The following LUZP2 variants were observed in gnomAD, a reference collection of about 807,000 sequenced individuals.
The protein encoded by LUZP2 is leucine zipper protein 2.
In LUZP2, 52 loss-of-function variants were observed where a neutral mutation model predicts 51.6. The ratio of observed to expected loss-of-function variants is 1.01; its 90% CI spans 0.81 to 1.27. The LOEUF is 1.27. LUZP2 is among the 50% of genes most tolerant of loss of function. The pLI is 0.00. For synonymous variants in LUZP2, 154 were observed against 137.3 expected (o/e 1.12, Z -0.85); for missense variants, 436 against 395.4 (o/e 1.10, Z -0.87).
chr11:24,543,924 T>G (rs886499112), intron 1 of LUZP2, among the ~76,000 whole-genome samples: 1 of 151,386 alleles, frequency 6.6e-6, no homozygotes, highest in Non-Finnish European at 1.5e-5. Context: ...GATGAAGATA[T>G]GTGCTGAGAC....
At chr11:25,076,705 A>G (rs967218638) in intron 10 of LUZP2, among the ~76,000 whole-genome samples, 1 of 150,930 alleles carries the variant, frequency 6.6e-6, no homozygotes, top group African/African-American at 2.4e-5. Context: ...AACCCTGGTT[A>G]AAATAGAAGT....
At chr11:24,890,447 A>G (rs1049318422) in intron 5 of LUZP2, among the ~76,000 whole-genome samples, 1 of 152,198 alleles carries the variant, frequency 6.6e-6, no homozygotes, top group African/African-American at 2.4e-5. Flanking sequence ...CAATCTCTTA[A>G]ACAAGTGGAA....
chr11:24,923,660 G>T (rs936708371), intron 7 of LUZP2, among the ~76,000 whole-genome samples: 1 of 152,056 alleles, frequency 6.6e-6, no homozygotes, highest in Non-Finnish European at 1.5e-5. Context: ...TCGCGCCACT[G>T]CACTCCAGCC....
chr11:25,016,729 A>G (rs1185276938), intron 9 of LUZP2, among the ~76,000 whole-genome samples: 1 of 152,120 alleles, frequency 6.6e-6, no homozygotes, highest in Non-Finnish European at 1.5e-5. Context: ...GTGCTGCTAT[A>G]AACGTACATA....
intron 7 of LUZP2, among the ~76,000 whole-genome samples, chr11:24,971,985 A>T (rs7127553): frequency 0.99 from 150,806 of 151,836 alleles, 74,909 homozygotes; most frequent in Middle Eastern, 1. Flanking sequence ...ACTAAAACAG[A>T]ACAAAAATTA....
rs964867676 is a variant in LUZP2, at chr11:24,681,531, C to T, written c.63-47638C>T. ...CATGCATAGGAGACAGTGGTAGGAA[C>T]GAAATAGATATTAGATTTTCAGTAT... On this transcript the variant is annotated intron_variant, in intron 1 of 11. Coordinates refer to ENST00000336930, the MANE Select transcript of LUZP2 (RefSeq NM_001009909.4). 3.3e-5 allele frequency among the ~76,000 whole-genome samples: 5 copies of T among 152,016 alleles called. No individual in the cohort carries two copies. In the South Asian group the frequency reaches 6.2e-4, roughly 19 times the overall value.
At chr11:24,681,214 C>T (rs954116959) in intron 1 of LUZP2, among the ~76,000 whole-genome samples, 1 of 152,062 alleles carries the variant, frequency 6.6e-6, no homozygotes, top group African/African-American at 2.4e-5. Context: ...ATCTCCTGAC[C>T]TCATGATCCA....
At position 24,733,751 on chromosome 11, in the gene LUZP2, AT is replaced by A. The variant is rs138032093; in HGVS notation, c.251+1567del. Among the ~76,000 whole-genome samples the A allele has an allele frequency of 2.1e-4, 29 of 140,966 alleles. No homozygotes were observed. In the South Asian group the frequency reaches 2.5e-3, roughly 12 times the overall value. 92.5% of individuals were successfully genotyped at this position (140,966 alleles called of 152,430 possible). A position where few individuals can be genotyped will look rare whatever the true frequency, so the allele number is the denominator to read the frequency against. On this transcript the variant is annotated intron_variant, in intron 3 of 11. Coordinates refer to ENST00000336930, the MANE Select transcript of LUZP2 (RefSeq NM_001009909.4). ...AATAAACTGTATTTTTTAAAAAAAA[AT>A]TTTAAAAAAACCATGAAAAGAGACC...
At chr11:24,618,475 G>T (rs1486265144) in intron 1 of LUZP2, among the ~76,000 whole-genome samples, 2 of 152,138 alleles carry the variant, frequency 1.3e-5, no homozygotes, top group Non-Finnish European at 2.9e-5. Flanking sequence ...TGCTGTGCTT[G>T]ACTAGAGTAG....
intron 1 of LUZP2, among the ~76,000 whole-genome samples, chr11:24,522,133 G>A (rs927157309): frequency 1.3e-5 from 2 of 152,050 alleles, no homozygotes; most frequent in Admixed American, 6.6e-5. Context: ...AAAGTGCTAT[G>A]GTAGAAAGAT....
chr11:24,969,469 G>A (rs1343943739), intron 7 of LUZP2, among the ~76,000 whole-genome samples: 1 of 151,884 alleles, frequency 6.6e-6, no homozygotes, highest in Non-Finnish European at 1.5e-5. Flanking sequence ...TATTTTTTAT[G>A]TTTTATTTTA....
chr11:24,921,504 G>A (rs1297816507), intron 7 of LUZP2, among the ~76,000 whole-genome samples: 2 of 152,134 alleles, frequency 1.3e-5, no homozygotes, highest in East Asian at 3.9e-4. Context: ...TCCATGTTAG[G>A]TGGACCTACT....
At chr11:25,042,619 C>T (rs1317060502) in intron 9 of LUZP2, among the ~76,000 whole-genome samples, 1 of 152,104 alleles carries the variant, frequency 6.6e-6, no homozygotes, top group Admixed American at 6.6e-5. Flanking sequence ...TTTTCTCTCA[C>T]AAATCTAAAG....
intron 4 of LUZP2, among the ~76,000 whole-genome samples, chr11:24,739,168 CTG>C (rs1859045603): frequency 6.6e-6 from 1 of 151,996 alleles, no homozygotes; most frequent in African/African-American, 2.4e-5. Flanking sequence ...GAGGAGGAAA[CTG>C]TGGGTAAGAG....
At chr11:24,525,201 A>G (rs952269954) in intron 1 of LUZP2, among the ~76,000 whole-genome samples, 1 of 151,570 alleles carries the variant, frequency 6.6e-6, no homozygotes, top group Admixed American at 6.6e-5. Context: ...CATTTTCCAT[A>G]TACATATTTT....
intron 5 of LUZP2, among the ~76,000 whole-genome samples, chr11:24,809,163 A>G (rs899475616): frequency 2.0e-5 from 3 of 152,160 alleles, no homozygotes; most frequent in Non-Finnish European, 4.4e-5. Flanking sequence ...TGTATAATTG[A>G]TTAAATGTAT....
chr11:24,943,551 C>G (rs1854816520), intron 7 of LUZP2, among the ~76,000 whole-genome samples: 1 of 152,052 alleles, frequency 6.6e-6, no homozygotes, highest in South Asian at 2.1e-4. Flanking sequence ...GAAAGTCCAT[C>G]TAATAATAAT....
intron 1 of LUZP2, among the ~76,000 whole-genome samples, chr11:24,593,291 T>C (rs994154645): frequency 1.3e-5 from 2 of 152,176 alleles, no homozygotes; most frequent in Non-Finnish European, 2.9e-5. Context: ...ATTTTTGTCA[T>C]TGTATATCAT....
At chr11:25,006,265 G>T (rs551744662) in intron 9 of LUZP2, among the ~76,000 whole-genome samples, 1 of 152,262 alleles carries the variant, frequency 6.6e-6, no homozygotes, top group African/African-American at 2.4e-5. Context: ...GAGAAGAGAG[G>T]TGAGAGGAAG....
Sources: allele counts gnomAD v4.1 joint callset (sites outside exome capture counted in the v4.1 genomes callset), GRCh38; gene constraint gnomAD v4.1.1; transcripts MANE v1.5; gene names NCBI Gene and HGNC (gene_info 2026-07-23, HGNC 2026-07-21).